Variants in ZNF738 observed in about 807,000 individuals in gnomAD.
ZNF738 encodes the protein protein ZNF738.
In ZNF738, 10 loss-of-function variants were observed where a neutral mutation model predicts 9.2. The ratio of observed to expected loss-of-function variants is 1.09; its 90% CI spans 0.67 to 1.85. The LOEUF (loss-of-function observed/expected upper bound fraction) is 1.85, where lower values mean the gene tolerates loss of function less well. ZNF738 is among the 40% of genes most tolerant of loss of function. ZNF738 has a pLI of 0.00. For synonymous variants in ZNF738, 113 were observed against 94.5 expected, an observed-to-expected ratio of 1.20 and a Z score of -1.14; for missense variants, 346 against 283.6, an observed-to-expected ratio of 1.22 and a Z score of -1.58.
intron 2 of ZNF738, among the ~76,000 whole-genome samples, chr19:21,366,878 T>A (rs1462923533): frequency 6.6e-6 from 1 of 152,170 alleles, no homozygotes; most frequent in Non-Finnish European, 1.5e-5. Flanking sequence ...CCCACTTCTT[T>A]ACTGCAAGCT....
At position 21,383,913 on chromosome 19, in the gene ZNF738, A is replaced by C; in HGVS notation, c.*239A>C. The stretch of plus-strand genomic sequence containing the variant: ...AATTCATACTGGAGAGAAACCCTAC[A>C]AATGTGAAGAATGTGGCAAAGCTTT... On this transcript the variant is annotated 3_prime_UTR_variant, in exon 5 of 5. Coordinates refer to ENST00000683779, the MANE Select transcript of ZNF738 (RefSeq NM_001355237.2). 1 of 1,439,854 alleles carries C rather than the reference A, an allele frequency of 6.9e-7. No individual in the cohort carries two copies. The highest frequency in any genetic ancestry group is 9.7e-7 in the Non-Finnish European group (1 of 1,026,734). The allele number at this position is 1,439,854 out of a possible 1,614,324, so 89.2% of individuals were successfully genotyped here. A position where few individuals can be genotyped will look rare whatever the true frequency, so the allele number is the denominator to read the frequency against.
intron 2 of ZNF738, among the ~76,000 whole-genome samples, chr19:21,365,631 G>A (rs1189282832): frequency 6.6e-6 from 1 of 151,986 alleles, no homozygotes; most frequent in African/African-American, 2.4e-5. Flanking sequence ...CAAAAAAGGG[G>A]TTATCTCAAA....
chr19:21,375,595 G>A (rs888166077), intron 3 of ZNF738, among the ~76,000 whole-genome samples: 2 of 152,004 alleles, frequency 1.3e-5, no homozygotes, highest in African/African-American at 4.8e-5. Context: ...CTAGAGTAGT[G>A]GTAATCTCAG....
intron 2 of ZNF738, among the ~76,000 whole-genome samples, chr19:21,373,308 C>T (rs181138706): frequency 6.6e-6 from 1 of 152,244 alleles, no homozygotes; most frequent in East Asian, 1.9e-4. Context: ...TGAAAGTATT[C>T]ATGTTGTTTT....
chr19:21,376,122 TG>T (rs1973924953), intron 4 of ZNF738, 158 bp downstream of exon 4: 1 of 470,734 alleles, frequency 2.1e-6, no homozygotes, highest in Non-Finnish European at 3.9e-6. Flanking sequence ...GTTTTCTTTT[TG>T]TTGTTGTTAC....
intron 2 of ZNF738, among the ~76,000 whole-genome samples, chr19:21,373,545 T>G (rs1043363040): frequency 1.6e-4 from 24 of 152,206 alleles, no homozygotes; most frequent in African/African-American, 5.1e-4. Context: ...TAGAGAAACA[T>G]ATTTTTATAT....
At position 21,383,266 on chromosome 19, in the gene ZNF738, C is replaced by G. The variant is rs1974027486; in HGVS notation, c.720C>G (p.Ala240=). Residue 240 remains alanine (A), a synonymous_variant, in exon 5 of 5, where the codon GCC becomes GCG. Coordinates refer to ENST00000683779, the MANE Select transcript of ZNF738 (RefSeq NM_001355237.2). The part of the protein sequence containing the change: ...NSYQCEECGK[A]FKWFSTLTRH... ...ACCAATGTGAAGAATGTGGCAAAGC[C>G]TTTAAATGGTTCTCAACCCTTACTA... 6.4e-7 allele frequency: 1 copy of G among 1,568,420 alleles called. No homozygotes were observed. Among genetic ancestry groups the G allele is most frequent in the Non-Finnish European group, 8.7e-7 (1 of 1,144,660 alleles).
rs1974043172 is a variant in ZNF738, at chr19:21,384,469, A to G, written c.*795A>G. On this transcript the variant is annotated 3_prime_UTR_variant, in exon 5 of 5. Coordinates refer to ENST00000683779, the MANE Select transcript of ZNF738 (RefSeq NM_001355237.2). ...TACCAATTCTCATACCTTACTACAC[A>G]TAAGATGATTCATACTGGAGAGAGA... Among the ~76,000 whole-genome samples the G allele has an allele frequency of 6.6e-6, 1 of 152,222 alleles. No individual in the cohort carries two copies. The highest frequency in any genetic ancestry group is 2.4e-5 in the African/African-American group (1 of 41,468).
intron 2 of ZNF738, among the ~76,000 whole-genome samples, chr19:21,371,074 G>C (rs1298098903): frequency 6.6e-6 from 1 of 152,202 alleles, no homozygotes; most frequent in African/African-American, 2.4e-5. Context: ...ACAAGAATGA[G>C]AGATCAAGGC....
At position 21,375,227 on chromosome 19, in the gene ZNF738, G is replaced by T. The variant is rs1973909828; in HGVS notation, c.97-11G>T. 9.0e-7 allele frequency: 1 copy of T among 1,108,218 alleles called. No individual in the cohort carries two copies. 68.6% of individuals were successfully genotyped at this position (1,108,218 alleles called of 1,614,324 possible). A position where few individuals can be genotyped will look rare whatever the true frequency, so the allele number is the denominator to read the frequency against. On this transcript the variant is annotated splice_polypyrimidine_tract_variant and intron_variant, in intron 2 of 4. Transcript: ENST00000683779. Reference sequence around the variant, plus strand: ...CACTTGTAAATATGTGTGTGTGTGTGTGTTTTTCAGGGGCCGTTGACATTT... The same window carrying T: ...CACTTGTAAATATGTGTGTGTGTGTTTGTTTTTCAGGGGCCGTTGACATTT...
At chr19:21,367,037 C>T (rs986163556) in intron 2 of ZNF738, among the ~76,000 whole-genome samples, 1 of 152,172 alleles carries the variant, frequency 6.6e-6, no homozygotes, top group Non-Finnish European at 1.5e-5. Context: ...TGCTGTGTAC[C>T]TCTGACAGAT....
Position 21,375,881 on chromosome 19 carries a change from C to T in ZNF738, c.236C>T (p.Ser79Phe). 1 of 795,450 alleles carries T rather than the reference C, an allele frequency of 1.3e-6. No homozygotes were observed. Among genetic ancestry groups the T allele is most frequent in the Non-Finnish European group, 2.3e-6 (1 of 434,448 alleles). 49.3% of individuals were successfully genotyped at this position (795,450 alleles called of 1,614,324 possible). Residue 79 changes from serine (S) to phenylalanine (F), a missense_variant, in exon 4 of 5, where the codon TCT becomes TTT. Ser to Phe is a radical substitution (Grantham distance 155). Coordinates refer to ENST00000683779, the MANE Select transcript of ZNF738 (RefSeq NM_001355237.2). ...TTTAATAAATCAGGTATTGATGTCT[C>T]TAAGCCAGATCTGATCACCTGTCTG... ...RNLVFLGIDV[S>F]KPDLITCLEQ...
chr19:21,376,334 C>G (rs1187972760), intron 4 of ZNF738: 2 of 163,014 alleles, frequency 1.2e-5, no homozygotes, highest in Non-Finnish European at 2.7e-5. Flanking sequence ...TTATGTTAAA[C>G]TATTTTTTTA....
chr19:21,366,085 C>A (rs998325705), intron 2 of ZNF738, among the ~76,000 whole-genome samples: 1 of 152,112 alleles, frequency 6.6e-6, no homozygotes, highest in Admixed American at 6.5e-5. Flanking sequence ...TTCCAGAAGT[C>A]CTGTCAGCTC....
rs1302499302 is a variant in ZNF738 at position 21,384,166 on chromosome 19, A to T, written c.*492A>T. 11 of 1,439,174 alleles carry T rather than the reference A, an allele frequency of 7.6e-6. No homozygotes were observed. Among genetic ancestry groups the T allele is most frequent in the Admixed American group, 3.4e-5 (2 of 58,944 alleles). The allele number at this position is 1,439,174 out of a possible 1,614,324, so 89.2% of individuals were successfully genotyped here. ...ATTCATACTGTAGAGAAACGCTACA[A>T]ATGTGAGGAATGTGGCAAAGCTTTT... On this transcript the variant is annotated 3_prime_UTR_variant, in exon 5 of 5. Transcript: ENST00000683779.
At chr19:21,367,133 TGAA>T (rs1167750281) in intron 2 of ZNF738, among the ~76,000 whole-genome samples, 1 of 152,218 alleles carries the variant, frequency 6.6e-6, no homozygotes, top group Admixed American at 6.5e-5. Context: ...AAACTGTTCC[TGAA>T]GAACACAAAG....
intron 4 of ZNF738, chr19:21,378,265 G>A: frequency 3.2e-6 from 1 of 316,274 alleles, no homozygotes; most frequent in South Asian, 1.6e-4. Flanking sequence ...TTATGATAAT[G>A]CTAAGAAATG....
Position 21,383,973 on chromosome 19 carries a change from AT to A in ZNF738, c.*301del. 1 of 1,452,884 alleles carries A rather than the reference AT, an allele frequency of 6.9e-7. No individual in the cohort carries two copies. Among genetic ancestry groups the A allele is most frequent in the Non-Finnish European group, 9.6e-7 (1 of 1,037,802 alleles). The allele number at this position is 1,452,884 out of a possible 1,614,324, so 90.0% of individuals were successfully genotyped here. On this transcript the variant is annotated 3_prime_UTR_variant, in exon 5 of 5. Transcript: ENST00000683779. ...CTCCTACCTTACTGCACATAAGTTG[AT>A]TCATACTGGAGAGAAACCCTACAAA...
rs188061651 is a variant in ZNF738 at position 21,377,133 on chromosome 19, C to T, written c.319+1169C>T. ...GACCAGCCTGACCAACATGGAGAAA[C>T]CCCATCTCTACTAAAAATACAAAAT... On this transcript the variant is annotated intron_variant, in intron 4 of 4. Transcript: ENST00000683779. 2.1e-3 allele frequency among the ~76,000 whole-genome samples: 319 copies of T among 151,980 alleles called. 1 individual carries two copies. Among genetic ancestry groups the T allele is most frequent in the African/African-American group, 7.3e-3 (301 of 41,450 alleles).
Sources: allele counts gnomAD v4.1 joint callset (sites outside exome capture counted in the v4.1 genomes callset), GRCh38; gene constraint gnomAD v4.1.1; transcripts MANE v1.5; gene names NCBI Gene and HGNC (gene_info 2026-07-23, HGNC 2026-07-21).